Variants in NXPE2 observed in about 807,000 individuals in gnomAD.
NXPE2 encodes the protein neurexophilin and PC-esterase domain family member 2.
NXPE2 carries 34 observed loss-of-function variants against 34.4 expected under a neutral mutation model. That is an observed-to-expected ratio of 0.99 (90% CI 0.75 to 1.31). NXPE2 has a LOEUF of 1.31. Among genes scored for constraint, NXPE2 ranks in the 40% most tolerant of loss-of-function variants. NXPE2 has a pLI of 0.00. For missense variants in NXPE2, 649 were observed against 672.5 expected, an observed-to-expected ratio of 0.97 and a Z score of 0.39; for synonymous variants, 235 against 231.3, an observed-to-expected ratio of 1.02 and a Z score of -0.15.
At chr11:114,655,092 T>C in the NXPE2 span, among the ~76,000 whole-genome samples, 1 of 152,196 alleles carries the variant, frequency 6.6e-6, no homozygotes, top group Admixed American at 6.5e-5. Flanking sequence ...CTTTTTTTTC[T>C]TCATATGTTT....
At chr11:114,477,091 T>C in the NXPE2 span, among the ~76,000 whole-genome samples, 13 of 152,176 alleles carry the variant, frequency 8.5e-5, no homozygotes, top group Admixed American at 8.5e-4. Flanking sequence ...GATAAATATA[T>C]TGTGGCATAT....
the NXPE2 span, among the ~76,000 whole-genome samples, chr11:114,670,850 C>T: frequency 5.9e-3 from 899 of 151,332 alleles, 4 homozygotes; most frequent in African/African-American, 0.02. Flanking sequence ...GAATGACTCA[C>T]GAACAGGAGA....
At chr11:114,739,384 T>G in the NXPE2 span, among the ~76,000 whole-genome samples, 2 of 104,186 alleles carry the variant, frequency 1.9e-5, no homozygotes, top group Non-Finnish European at 3.7e-5. Context: ...CACTCACTCC[T>G]TCCCTTCCTC....
the NXPE2 span, among the ~76,000 whole-genome samples, chr11:114,561,899 T>C: frequency 6.6e-6 from 1 of 152,238 alleles, no homozygotes; most frequent in African/African-American, 2.4e-5. Flanking sequence ...TAACATTTTA[T>C]TTCTCCAGTT....
At chr11:114,582,979 TC>T in the NXPE2 span, 2 of 1,613,898 alleles carry the variant, frequency 1.2e-6, no homozygotes, top group Non-Finnish European at 1.7e-6. Flanking sequence ...GTGGAGTTGT[TC>T]CAGTAATGGA....
chr11:114,658,684 G>A, the NXPE2 span, among the ~76,000 whole-genome samples: 2 of 152,200 alleles, frequency 1.3e-5, 1 homozygote, highest in South Asian at 4.1e-4. Flanking sequence ...TTGAGGAAGG[G>A]CAGAAAACCG....
intron 2 of NXPE2, among the ~76,000 whole-genome samples, chr11:114,683,573 A>G (rs903144782): frequency 3.3e-5 from 5 of 152,020 alleles, no homozygotes; most frequent in African/African-American, 4.8e-5. Context: ...GGCGCGTGCC[A>G]CCAGGTCCAG....
the NXPE2 span, among the ~76,000 whole-genome samples, chr11:114,531,951 C>T: frequency 6.6e-6 from 1 of 152,162 alleles, no homozygotes; most frequent in Non-Finnish European, 1.5e-5. Flanking sequence ...AGGCTTCAGT[C>T]TAGATCAGCT....
the NXPE2 span, among the ~76,000 whole-genome samples, chr11:114,489,172 C>T: frequency 6.6e-6 from 1 of 152,222 alleles, no homozygotes; most frequent in Admixed American, 6.5e-5. Flanking sequence ...GAAGTTGAAT[C>T]TCTGAATAGA....
the NXPE2 span, among the ~76,000 whole-genome samples, chr11:114,494,591 A>C: frequency 1.3e-5 from 2 of 152,038 alleles, no homozygotes; most frequent in Non-Finnish European, 2.9e-5. Context: ...ATCTGATATG[A>C]TTCTGACTTT....
chr11:114,519,074 T>C, the NXPE2 span, among the ~76,000 whole-genome samples: 1 of 152,192 alleles, frequency 6.6e-6, no homozygotes, highest in Admixed American at 6.5e-5. Flanking sequence ...CCAGAATGTC[T>C]AGGCATAATG....
At chr11:114,631,830 G>A in the NXPE2 span, among the ~76,000 whole-genome samples, 10 of 150,860 alleles carry the variant, frequency 6.6e-5, no homozygotes, top group South Asian at 2.1e-4. Context: ...ATGGGTAACC[G>A]ATGTTACCCG....
the NXPE2 span, among the ~76,000 whole-genome samples, chr11:114,749,696 C>G: frequency 0.026 from 3,931 of 152,286 alleles, 172 homozygotes; most frequent in African/African-American, 0.089. Context: ...AGTACATGAC[C>G]AACCATTCAT....
the NXPE2 span, among the ~76,000 whole-genome samples, chr11:114,780,661 A>G: frequency 3.3e-5 from 5 of 151,616 alleles, no homozygotes; most frequent in Non-Finnish European, 7.4e-5. Flanking sequence ...GTAAGAGAAG[A>G]AAAAAACAAC....
At chr11:114,654,942 G>A in the NXPE2 span, among the ~76,000 whole-genome samples, 1 of 152,172 alleles carries the variant, frequency 6.6e-6, no homozygotes, top group Non-Finnish European at 1.5e-5. Flanking sequence ...CACCAACAGT[G>A]TAAAAGCATT....
chr11:114,515,315 A>G, the NXPE2 span, among the ~76,000 whole-genome samples: 8 of 152,308 alleles, frequency 5.3e-5, no homozygotes. Flanking sequence ...ATGAGGTGAG[A>G]ATACAAATTA....
chr11:114,537,558 A>G, the NXPE2 span, among the ~76,000 whole-genome samples: 1 of 152,218 alleles, frequency 6.6e-6, no homozygotes, highest in Admixed American at 6.5e-5. Flanking sequence ...AAATCTCCTC[A>G]AGCTGATAAG....
chr11:114,729,246 T>A, the NXPE2 span, among the ~76,000 whole-genome samples: 1 of 152,176 alleles, frequency 6.6e-6, no homozygotes, highest in Non-Finnish European at 1.5e-5. Context: ...AAAGACATGA[T>A]TTCATTCTTT....
At chr11:114,529,079 AT>A in the NXPE2 span, 150 of 357,214 alleles carry the variant, frequency 4.2e-4, no homozygotes, top group Middle Eastern at 7.3e-4. Flanking sequence ...CTCTTAGCAT[AT>A]TTTTTTTGAA....
Sources: gnomAD v4.1 joint callset for allele counts (sites outside exome capture counted in the v4.1 genomes callset) on GRCh38, gnomAD v4.1.1 for gene constraint, MANE v1.5 for transcripts, NCBI Gene and HGNC (gene_info 2026-07-23, HGNC 2026-07-21) for gene names.